Variants in SMIM35 observed in about 807,000 individuals in gnomAD.
SMIM35 encodes TMPRSS4 antisense RNA 1 (non-protein coding).
chr11:118,082,752 T>C (rs1945243976), intron 1 of SMIM35, among the ~76,000 whole-genome samples: 1 of 151,990 alleles, frequency 6.6e-6, no homozygotes, highest in Non-Finnish European at 1.5e-5. Flanking sequence ...CCATTAACGA[T>C]AGAAAATTGA....
At chr11:118,022,404 T>C (rs1306992376) in intron 1 of SMIM35, among the ~76,000 whole-genome samples, 2 of 152,164 alleles carry the variant, frequency 1.3e-5, no homozygotes, top group Non-Finnish European at 2.9e-5. Context: ...TAAAATAATA[T>C]ACAATATGTT....
intron 1 of SMIM35, among the ~76,000 whole-genome samples, chr11:118,082,283 G>A (rs1297001599): frequency 1.3e-5 from 2 of 152,116 alleles, no homozygotes; most frequent in East Asian, 3.8e-4. Context: ...AGGCTCAGCC[G>A]GGTGTGGTGG....
intron 1 of SMIM35, among the ~76,000 whole-genome samples, chr11:118,042,752 C>T (rs996609129): frequency 1.3e-5 from 2 of 152,180 alleles, no homozygotes; most frequent in Admixed American, 1.3e-4. Flanking sequence ...AAAGAATCCT[C>T]AACAAAATAC....
At position 118,045,785 on chromosome 11, in the gene SMIM35, C is replaced by T. The variant is rs146326142; in HGVS notation, c.8-29976G>A. Among the ~76,000 whole-genome samples, 55 of 152,292 alleles carry T rather than the reference C, an allele frequency of 3.6e-4. 1 individual carries two copies. The East Asian group carries it at 0.01, about 29-fold the overall frequency. On this transcript the variant is annotated intron_variant, in intron 1 of 4. Coordinates refer to ENST00000689828, the MANE Select transcript of SMIM35 (RefSeq NM_001394165.1). ...CTTTCAACCCAGTATAATGAATGAA[C>T]AGACAGCAGATTTCAGGCAGATCTT...
chr11:118,012,493 G>C (rs2512150), intron 4 of SMIM35, among the ~76,000 whole-genome samples: 18,483 of 152,222 alleles, frequency 0.12, 1,190 homozygotes, highest in Admixed American at 0.15. Flanking sequence ...TTTGCCACAG[G>C]ACAGGCTTTG....
chr11:118,085,774 C>T (rs1952600849), intron 1 of SMIM35, among the ~76,000 whole-genome samples: 3 of 152,170 alleles, frequency 2.0e-5, no homozygotes, highest in African/African-American at 4.8e-5. Flanking sequence ...CGAGTCCCCT[C>T]CAGCCATTGT....
At chr11:118,048,797 C>G (rs989363902) in intron 1 of SMIM35, among the ~76,000 whole-genome samples, 19 of 151,418 alleles carry the variant, frequency 1.3e-4, no homozygotes, top group Non-Finnish European at 5.9e-5. Context: ...CAGGCCATCC[C>G]GGAAGAGATG....
chr11:118,009,363 ATCACT>A (rs1167344367), intron 4 of SMIM35, among the ~76,000 whole-genome samples: 1 of 152,222 alleles, frequency 6.6e-6, no homozygotes, highest in Non-Finnish European at 1.5e-5. Flanking sequence ...CCTTGAACAA[ATCACT>A]TCACGGCACT....
chr11:118,078,142 C>T (rs983777400), intron 1 of SMIM35, among the ~76,000 whole-genome samples: 5 of 151,866 alleles, frequency 3.3e-5, no homozygotes, highest in Admixed American at 2.6e-4. Context: ...CTCACCCTCT[C>T]TCCTCCTCCT....
intron 1 of SMIM35, among the ~76,000 whole-genome samples, chr11:118,036,378 T>C (rs1422028783): frequency 6.6e-6 from 1 of 152,264 alleles, no homozygotes; most frequent in East Asian, 1.9e-4. Flanking sequence ...TTAAGTTTTG[T>C]TTATAATAAA....
intron 1 of SMIM35, among the ~76,000 whole-genome samples, chr11:118,054,148 T>G (rs550811389): frequency 1.3e-3 from 169 of 134,318 alleles, no homozygotes; most frequent in Admixed American, 6.1e-3. Context: ...GTTTTGGGGG[T>G]TTTTGGGATT....
intron 1 of SMIM35, among the ~76,000 whole-genome samples, chr11:118,068,401 C>T (rs942043650): frequency 6.6e-6 from 1 of 152,172 alleles, no homozygotes; most frequent in Non-Finnish European, 1.5e-5. Context: ...ATCTCTGTGT[C>T]GAGTCTCCCT....
chr11:118,028,873 T>G (rs1243818482), intron 1 of SMIM35: 9 of 415,648 alleles, frequency 2.2e-5, no homozygotes, highest in East Asian at 8.0e-5. Flanking sequence ...AAGAAAAAAG[T>G]TGGGGGAGAA....
intron 1 of SMIM35, among the ~76,000 whole-genome samples, chr11:118,053,316 A>G (rs1435680495): frequency 7.2e-5 from 3 of 41,538 alleles, no homozygotes; most frequent in African/African-American, 2.0e-4. Flanking sequence ...AAACACACAC[A>G]CACACACACA....
intron 1 of SMIM35, among the ~76,000 whole-genome samples, chr11:118,051,483 C>T (rs1422792007): frequency 1.3e-5 from 2 of 152,260 alleles, no homozygotes; most frequent in African/African-American, 4.8e-5. Context: ...CTCTCCTCCC[C>T]ATGCCCTGGA....
rs1042749371 is a variant in SMIM35, at chr11:118,064,143, T to A, written c.7+22608A>T. On this transcript the variant is annotated intron_variant, in intron 1 of 4. Transcript: ENST00000689828. ...TGTCAGCCAGTGTCTGCTGCAGAAA[T>A]GATTGCTTACTGGTGTGTGGGGAGA... 3.9e-5 allele frequency among the ~76,000 whole-genome samples: 6 copies of A among 152,206 alleles called. No homozygotes were observed. The South Asian group carries it at 1.2e-3, about 31-fold the overall frequency.
At chr11:118,064,404 G>A (rs990013562) in intron 1 of SMIM35, among the ~76,000 whole-genome samples, 12 of 152,156 alleles carry the variant, frequency 7.9e-5, no homozygotes, top group Admixed American at 7.2e-4. Context: ...TCAGGTTGGC[G>A]GTTCTGGGTG....
In SMIM35 at chr11:118,005,795, T is replaced by A. The variant is rs979910043; in HGVS notation, c.*615A>T. 6.6e-6 allele frequency: 1 copy of A among 152,582 alleles called. No individual in the cohort carries two copies. The highest frequency in any genetic ancestry group is 1.5e-5 in the Non-Finnish European group (1 of 68,242). 9.5% of individuals were successfully genotyped at this position (152,582 alleles called of 1,614,324 possible). ...TGTCCTGCTCCTCTGCATCCACTCCTGCTCCCTCAGTCTAATCTCCATACC... is the reference window on the plus strand; with the variant it reads ...TGTCCTGCTCCTCTGCATCCACTCCAGCTCCCTCAGTCTAATCTCCATACC... On this transcript the variant is annotated 3_prime_UTR_variant, in exon 5 of 5. Coordinates refer to ENST00000689828, the MANE Select transcript of SMIM35 (RefSeq NM_001394165.1).
intron 1 of SMIM35, among the ~76,000 whole-genome samples, chr11:118,069,880 G>A (rs1944543163): frequency 2.0e-5 from 3 of 152,182 alleles, no homozygotes; most frequent in African/African-American, 4.8e-5. Context: ...TGGTCAACAT[G>A]GCAAAACCCC....
Sources: gnomAD v4.1 joint callset for allele counts (sites outside exome capture counted in the v4.1 genomes callset) on GRCh38, gnomAD v4.1.1 for gene constraint, MANE v1.5 for transcripts, NCBI Gene and HGNC (gene_info 2026-07-23, HGNC 2026-07-21) for gene names.